The following ANO7 variants were observed in gnomAD, a reference collection of about 807,000 sequenced individuals.
The protein encoded by ANO7 is anoctamin 7, also known as anoctamin-7.
Under a neutral mutation model 115.8 loss-of-function variants are expected in ANO7, and 114 were observed. The observed-to-expected ratio is 0.98, with a 90% CI of 0.85 to 1.15. The LOEUF (loss-of-function observed/expected upper bound fraction) is 1.15. ANO7 is among the 50% of genes most tolerant of loss of function. The pLI, the probability that ANO7 is intolerant of heterozygous loss-of-function variation, is 0.00. For synonymous variants in ANO7, 550 were observed against 498.2 expected (o/e 1.10, Z -1.38); for missense variants, 1,302 against 1,201.2 (o/e 1.08, Z -1.24).
chr2:241,215,941 C>G (rs766844075), intron 18 of ANO7, 152 bp from the exon 19 acceptor site: 2 of 925,514 alleles, frequency 2.2e-6, no homozygotes, highest in Non-Finnish European at 3.2e-6. Flanking sequence ...GCTCTCACTG[C>G]GTCCACCCCT....
At chr2:241,226,068 A>G (rs1398210458), downstream of ANO7, among the ~76,000 whole-genome samples, 1 of 152,068 alleles carries the variant, frequency 6.6e-6, no homozygotes, top group African/African-American at 2.4e-5. Context: ...CGTGGGTAAA[A>G]GGCAAGTTCC....
At chr2:241,196,042 T>C in intron 4 of ANO7, 197 bp downstream of exon 4, 1 of 1,446,342 alleles carries the variant, frequency 6.9e-7, no homozygotes, top group Non-Finnish European at 9.1e-7. Context: ...GAGGTAAACA[T>C]TGATCCCTCC....
intron 3 of ANO7, among the ~76,000 whole-genome samples, chr2:241,193,499 G>A (rs1303048221): frequency 7.0e-6 from 1 of 143,708 alleles, no homozygotes; most frequent in African/African-American, 2.5e-5. Context: ...CTCCCTCCCA[G>A]CCCCACCAGG....
the ANO7 span, among the ~76,000 whole-genome samples, chr2:241,231,750 T>C: frequency 6.6e-6 from 1 of 151,834 alleles, no homozygotes; most frequent in South Asian, 2.1e-4. Context: ...ATACCAGACT[T>C]GGGATAGCAG....
At chr2:241,217,477 G>T in intron 19 of ANO7, 1 of 586,106 alleles carries the variant, frequency 1.7e-6, no homozygotes, top group South Asian at 2.2e-5. Context: ...AGCACGGAGC[G>T]CAGGGCAGGA....
chr2:241,209,755 A>T, intron 13 of ANO7, 120 bp downstream of exon 13: 1 of 1,340,894 alleles, frequency 7.5e-7, no homozygotes, highest in Non-Finnish European at 9.8e-7. Flanking sequence ...CAGAACCCTC[A>T]CTCCCCGCAG....
At chr2:241,201,219 C>A in intron 6 of ANO7, 79 bp from the exon 7 acceptor site, 1 of 1,469,368 alleles carries the variant, frequency 6.8e-7, no homozygotes, top group South Asian at 1.4e-5. Flanking sequence ...CACATGCCCG[C>A]AGCTTCCTCC....
At chr2:241,239,811 C>G in the ANO7 span, 1 of 1,613,768 alleles carries the variant, frequency 6.2e-7, no homozygotes, top group Middle Eastern at 1.7e-4. This position sits in a 1 kb window ranked among gnomAD's most constrained non-coding sequence, Gnocchi z 4.6. Flanking sequence ...GAGTCTTCCA[C>G]CACATTATCC....
chr2:241,193,334 TGCTGGGATTA>T (rs1446488439), intron 3 of ANO7, among the ~76,000 whole-genome samples: 1 of 152,172 alleles, frequency 6.6e-6, no homozygotes, highest in East Asian at 1.9e-4. Flanking sequence ...CCTCCAAAAG[TGCTGGGATTA>T]TAAGTGTGAG....
chr2:241,214,389 ACT>A (rs758752469), intron 17 of ANO7, among the ~76,000 whole-genome samples: 3 of 152,148 alleles, frequency 2.0e-5, no homozygotes, highest in African/African-American at 4.8e-5. Flanking sequence ...TGCGGCCGAC[ACT>A]CTCGGACTTA....
intron 10 of ANO7, among the ~76,000 whole-genome samples, chr2:241,206,101 A>G (rs71430318): frequency 1.0e-3 from 14 of 13,432 alleles, no homozygotes; most frequent in African/African-American, 1.3e-3. Flanking sequence ...GGTTGACACA[A>G]GTGGACAGGA....
chr2:241,210,997 A>G (rs1486846491), intron 15 of ANO7, among the ~76,000 whole-genome samples: 1 of 151,858 alleles, frequency 6.6e-6, no homozygotes, highest in African/African-American at 2.4e-5. Flanking sequence ...TGTTTTTGGC[A>G]CCCCAGGTGG....
In ANO7 at chr2:241,218,275, C is replaced by T; in HGVS notation, c.2215C>T (p.Arg739Cys). The T allele has an allele frequency of 2.0e-6, 3 of 1,534,370 alleles. No individual in the cohort carries two copies. The highest frequency in any genetic ancestry group is 1.2e-5 in the South Asian group (1 of 85,090). Residue 739 changes from arginine to cysteine, a missense_variant, in exon 21 of 25, where the codon CGC becomes TGC. By Grantham distance (180) the Arg-to-Cys change is radical (BLOSUM62 -3). Transcript: ENST00000674324. ...GGCCTTCTCGTCCGACTTCCTGCCG[C>T]GCGCCTACTACCGGTGGACCCGCGC... is the stretch of plus-strand genomic sequence containing the variant. ...LLAFSSDFLP[R>C]AYYRWTRAHD...
downstream of ANO7, among the ~76,000 whole-genome samples, chr2:241,226,906 C>T (rs762317867): frequency 1.3e-4 from 20 of 152,188 alleles, no homozygotes; most frequent in Non-Finnish European, 1.9e-4. Context: ...GGCCTCCGCC[C>T]GCACCCCCCA....
chr2:241,226,907 G>GCA (rs2069196925), downstream of ANO7, among the ~76,000 whole-genome samples: 1 of 151,896 alleles, frequency 6.6e-6, no homozygotes, highest in Non-Finnish European at 1.5e-5. Context: ...GCCTCCGCCC[G>GCA]CACCCCCCAC....
Position 241,195,815 on chromosome 2 carries a change from T to A in ANO7, c.279T>A (p.Asn93Lys), listed in dbSNP as rs142236873. ...HRTWRETFLD[N>K]LRAAGLCVDQ... ...CCTGGCGGGAGACTTTTCTGGATAA[T>A]CTTCGTGCGGCTGGGCTGTGTGTAG... The change falls in exon 4 of 25, where the codon AAT becomes AAA. Residue 93 changes from asparagine (N) to lysine (K), a missense_variant. Coordinates refer to ENST00000674324, the MANE Select transcript of ANO7 (RefSeq NM_001370694.2). 2.5e-6 allele frequency: 4 copies of A among 1,614,072 alleles called. No individual in the cohort carries two copies. In the Admixed American group the frequency reaches 6.7e-5, roughly 27 times the overall value.
chr2:241,240,280 C>G, the ANO7 span: 1 of 686,394 alleles, frequency 1.5e-6, no homozygotes, highest in Non-Finnish European at 2.6e-6. The surrounding 1 kb of genome is among the most constrained non-coding windows in gnomAD (Gnocchi z 5.5). Context: ...GCTAGCACAC[C>G]TCACTGAATA....
At chr2:241,213,148 C>T (rs566923997) in intron 17 of ANO7, among the ~76,000 whole-genome samples, 2 of 151,796 alleles carry the variant, frequency 1.3e-5, no homozygotes, top group Admixed American at 1.3e-4. Context: ...ACACGGCCCG[C>T]AGGGGCTGGC....
At chr2:241,230,018 C>A, downstream of ANO7, 2 of 1,573,898 alleles carry the variant, frequency 1.3e-6, no homozygotes, top group Non-Finnish European at 1.7e-6. The surrounding 1 kb of genome is among the most constrained non-coding windows in gnomAD (Gnocchi z 5.0). Flanking sequence ...CAGCATCCCG[C>A]CCGCCTGCTC....
Sources: gnomAD v4.1 joint callset for allele counts (sites outside exome capture counted in the v4.1 genomes callset) on GRCh38, gnomAD v4.1.1 for gene constraint, Gnocchi (gnomAD v3.1) non-coding constraint, MANE v1.5 for transcripts, NCBI Gene and HGNC (gene_info 2026-07-23, HGNC 2026-07-21) for gene names.